ZNF189: variants seen among roughly 807,000 people sequenced by gnomAD.
ZNF189 encodes zinc finger protein 189.
In ZNF189, 33 loss-of-function variants were observed where a neutral mutation model predicts 53.5. The ratio of observed to expected loss-of-function variants is 0.62; its 90% CI spans 0.47 to 0.82. ZNF189 has a LOEUF of 0.82. Ranked by LOEUF, ZNF189 falls within the 40% of genes least tolerant of loss-of-function variation. The probability of loss-of-function intolerance (pLI) is 0.00; values close to 1 mark genes in which losing one functional copy is unlikely to be tolerated. For synonymous variants in ZNF189, 247 were observed against 238.8 expected (o/e 1.03, Z -0.32); for missense variants, 711 against 753.9 (o/e 0.94, Z 0.67).
intron 1 of ZNF189, 95 bp downstream of exon 1, chr9:101,399,284 C>T: frequency 2.1e-6 from 3 of 1,425,930 alleles, no homozygotes; most frequent in Non-Finnish European, 1.9e-6. Context: ...CACCAACCTC[C>T]TGACCGCCTC....
chr9:101,399,829 G>A, intron 1 of ZNF189, 55 bp from the exon 2 acceptor site: 1 of 1,610,576 alleles, frequency 6.2e-7, no homozygotes, highest in South Asian at 1.1e-5. Flanking sequence ...CACTTTTAGT[G>A]GTAGAATTGT....
At chr9:101,399,778 T>C in intron 1 of ZNF189, 106 bp from the exon 2 acceptor site, 2 of 1,538,558 alleles carry the variant, frequency 1.3e-6, no homozygotes, top group South Asian at 2.4e-5. Context: ...GTTATCATGT[T>C]CCTCCTAGCC....
chr9:101,409,035 AC>A lies in ZNF189; in HGVS notation c.1269del (p.Arg424GlyfsTer170). 6.2e-7 allele frequency: 1 copy of A among 1,614,164 alleles called. No homozygotes were observed. Among genetic ancestry groups the A allele is most frequent in the African/African-American group, 1.3e-5 (1 of 75,068 alleles). On this transcript the variant is annotated frameshift_variant, in exon 3 of 3. Coordinates refer to ENST00000339664, the MANE Select transcript of ZNF189 (RefSeq NM_003452.4). LOFTEE classifies it high-confidence loss of function. Reference sequence around the variant, plus strand: ...TCTTATTCAGCATCAGAGAATTCACACCAGGGAGAAGACTTATCCATACAAT... The same window carrying A: ...TCTTATTCAGCATCAGAGAATTCACACAGGGAGAAGACTTATCCATACAAT... ...SGLIQHQRIH[T>X]REKTYPYNET...
intron 2 of ZNF189, among the ~76,000 whole-genome samples, chr9:101,404,989 A>G (rs972841162): frequency 2.6e-5 from 4 of 151,014 alleles, no homozygotes; most frequent in Non-Finnish European, 5.9e-5. Flanking sequence ...ATTGCTTTGA[A>G]TCTTAAAACC....
intron 2 of ZNF189, among the ~76,000 whole-genome samples, chr9:101,400,540 C>G (rs929408970): frequency 1.3e-5 from 2 of 152,186 alleles, no homozygotes; most frequent in Non-Finnish European, 2.9e-5. Context: ...AAAATCTCTC[C>G]TTCTTTGAGG....
In ZNF189 at chr9:101,398,895, G is replaced by C. The variant is rs1830418746; in HGVS notation, c.-262G>C. 19 of 600,658 alleles carry C rather than the reference G, an allele frequency of 3.2e-5. No individual in the cohort carries two copies. The Admixed American group carries it at 5.0e-4, about 16-fold the overall frequency. The allele number at this position is 600,658 out of a possible 1,614,324, so 37.2% of individuals were successfully genotyped here. A position where few individuals can be genotyped will look rare whatever the true frequency, so the allele number is the denominator to read the frequency against. On this transcript the variant is annotated 5_prime_UTR_variant, in exon 1 of 3. Transcript: ENST00000339664. ...TGCAAGGAGGAGGAACTGGCAGCGG[G>C]GAGGAGGCTCTAGCGAGGCCTGAAA...
chr9:101,404,882 T>C (rs906535431), intron 2 of ZNF189, among the ~76,000 whole-genome samples: 6 of 152,158 alleles, frequency 3.9e-5, no homozygotes, highest in Non-Finnish European at 7.4e-5. Context: ...ATAATAGAAT[T>C]ATGGTCGAGG....
At chr9:101,399,324 C>G (rs574690222) in intron 1 of ZNF189, 135 bp downstream of exon 1, 2 of 1,427,484 alleles carry the variant, frequency 1.4e-6, no homozygotes, top group South Asian at 3.0e-5. Flanking sequence ...AAGGAACTCC[C>G]CACTAGTGCA....
Position 101,399,886 on chromosome 9 carries a change from G to T in ZNF189, c.36G>T (p.Gly12=), listed in dbSNP as rs776300186. The T allele has an allele frequency of 1.2e-6, 2 of 1,614,126 alleles. No homozygotes were observed. The change falls in exon 2 of 3, where the codon GGG becomes GGT. Residue 12 remains glycine (G), a splice_region_variant and synonymous_variant. Transcript: ENST00000339664. ...ASPSPPPESK[G]LLTFEDVAVF... Reference sequence around the variant, plus strand: ...CTACAGAAATCATACTATTTCAGGGGTTGCTGACATTTGAGGATGTGGCTG... The same window carrying T: ...CTACAGAAATCATACTATTTCAGGGTTTGCTGACATTTGAGGATGTGGCTG...
intron 1 of ZNF189, chr9:101,399,492 T>C: frequency 7.7e-7 from 1 of 1,293,582 alleles, no homozygotes; most frequent in African/African-American, 1.5e-5. Context: ...TGACCTTCCC[T>C]TGTGTCTTCT....
At chr9:101,405,662 C>A (rs74521377) in intron 2 of ZNF189, among the ~76,000 whole-genome samples, 12,038 of 151,732 alleles carry the variant, frequency 0.079, 539 homozygotes, top group Middle Eastern at 0.16. Context: ...TCAGAAAAGG[C>A]CAAAGAAGTA....
In ZNF189 at chr9:101,409,692, C is replaced by T. The variant is rs1449772208; in HGVS notation, c.*43C>T. 2 of 1,544,894 alleles carry T rather than the reference C, an allele frequency of 1.3e-6. No homozygotes were observed. The highest frequency in any genetic ancestry group is 2.8e-5 in the African/African-American group (2 of 72,530). On this transcript the variant is annotated 3_prime_UTR_variant, in exon 3 of 3. Coordinates refer to ENST00000339664, the MANE Select transcript of ZNF189 (RefSeq NM_003452.4). ...AGCTCAATTTGATTTGAGACTAGTA[C>T]CCAAGTGCAGTTTTAGTATGGCTCA...
At chr9:101,400,203 G>A (rs982982296) in intron 2 of ZNF189, among the ~76,000 whole-genome samples, 193 bp downstream of exon 2, 1 of 152,076 alleles carries the variant, frequency 6.6e-6, no homozygotes, top group African/African-American at 2.4e-5. Flanking sequence ...AAGCCTTTCG[G>A]GCATCCTGTC....
chr9:101,410,480 C>T lies in ZNF189; in HGVS notation c.*831C>T, dbSNP rs899762153. ...TGCCAAGTATTGGAAATGAAAAGAC[C>T]TGGAGTCTATGCTAGGAAGCTGAGA... On this transcript the variant is annotated 3_prime_UTR_variant, in exon 3 of 3. Transcript: ENST00000339664. 2 of 152,200 alleles carry T rather than the reference C, an allele frequency of 1.3e-5. No homozygotes were observed. The highest frequency in any genetic ancestry group is 4.8e-5 in the African/African-American group (2 of 41,416). 9.4% of individuals were successfully genotyped at this position (152,200 alleles called of 1,614,324 possible). A position where few individuals can be genotyped will look rare whatever the true frequency, so the allele number is the denominator to read the frequency against.
At chr9:101,405,720 A>G (rs2777348) in intron 2 of ZNF189, among the ~76,000 whole-genome samples, 63,998 of 152,022 alleles carry the variant, frequency 0.42, 13,829 homozygotes, top group South Asian at 0.56. Context: ...AAAACAGATA[A>G]TGTCAAGAAA....
chr9:101,408,771 CA>C lies in ZNF189; in HGVS notation c.1009del (p.Ile337PhefsTer257). 3.7e-6 allele frequency: 6 copies of C among 1,613,870 alleles called. No homozygotes were observed. Among genetic ancestry groups the C allele is most frequent in the African/African-American group, 1.3e-5 (1 of 74,980 alleles). Reference sequence around the variant, plus strand: ...ATTAAGCACATACCTTATACAACACCAAAAAATTCACACTGGCGAGAAGCCT... The same window carrying C: ...ATTAAGCACATACCTTATACAACACCAAAAATTCACACTGGCGAGAAGCCT... Reference protein sequence around the residue: ...FRLSTYLIQHQKIHTGEKPFL... With the variant: ...FRLSTYLIQHXKIHTGEKPFL... On this transcript the variant is annotated frameshift_variant, in exon 3 of 3. Transcript: ENST00000339664. LOFTEE classifies it high-confidence loss of function.
At position 101,409,426 on chromosome 9, in the gene ZNF189, C is replaced by T. The variant is rs146407899; in HGVS notation, c.1658C>T (p.Ser553Leu). The T allele has an allele frequency of 1.2e-5, 20 of 1,614,000 alleles. No individual in the cohort carries two copies. The highest frequency in any genetic ancestry group is 6.7e-5 in the East Asian group (3 of 44,892). The change falls in exon 3 of 3, where the codon TCG becomes TTG. Residue 553 changes from serine to leucine, a missense_variant. Coordinates refer to ENST00000339664, the MANE Select transcript of ZNF189 (RefSeq NM_003452.4). ...TGTGGAAAGGCCTTTAGCCGGAACT[C>T]GGGTCTTATTCAGCATCAGAGAATA... ...DECGKAFSRNSGLIQHQRIHT... is the reference protein window; with the variant it reads ...DECGKAFSRNLGLIQHQRIHT...
chr9:101,403,503 T>G (rs565725450), intron 2 of ZNF189, among the ~76,000 whole-genome samples: 2 of 152,216 alleles, frequency 1.3e-5, no homozygotes, highest in Non-Finnish European at 2.9e-5. Context: ...TTGTCTAGCT[T>G]TATAGTTTTG....
At position 101,402,967 on chromosome 9, in the gene ZNF189, A is replaced by T. The variant is rs561070451; in HGVS notation, c.160+2957A>T. Among the ~76,000 whole-genome samples the T allele has an allele frequency of 1.2e-4, 19 of 152,306 alleles. 1 individual carries two copies. In the South Asian group the frequency reaches 3.9e-3, roughly 32 times the overall value. The stretch of plus-strand genomic sequence containing the variant: ...TGTGTAAAACTTCTGATGGTTCCTG[A>T]TAGCTTAAATGATAAAAATCTTAAT... On this transcript the variant is annotated intron_variant, in intron 2 of 2. Coordinates refer to ENST00000339664, the MANE Select transcript of ZNF189 (RefSeq NM_003452.4).
Sources: allele counts gnomAD v4.1 joint callset (sites outside exome capture counted in the v4.1 genomes callset), GRCh38; gene constraint gnomAD v4.1.1; transcripts MANE v1.5; gene names NCBI Gene and HGNC (gene_info 2026-07-23, HGNC 2026-07-21).